SPATA6: variants seen among roughly 807,000 people sequenced by gnomAD.
SPATA6 encodes the protein spermatogenesis associated 6.
A neutral mutation model predicts 65.3 loss-of-function variants in SPATA6; 56 were observed. The ratio of observed to expected loss-of-function variants is 0.86; its 90% CI spans 0.69 to 1.07. SPATA6 has a LOEUF of 1.07. SPATA6 is among the 50% of genes least tolerant of loss of function. The probability of loss-of-function intolerance (pLI) is 0.00; values close to 1 mark genes in which losing one functional copy is unlikely to be tolerated. For synonymous variants in SPATA6, 199 were observed against 213.2 expected, an observed-to-expected ratio of 0.93 and a Z score of 0.58; for missense variants, 590 against 594.8, an observed-to-expected ratio of 0.99 and a Z score of 0.08.
chr1:48,437,448 G>C (rs1342019608), intron 3 of SPATA6, among the ~76,000 whole-genome samples: 1 of 152,190 alleles, frequency 6.6e-6, no homozygotes, highest in Non-Finnish European at 1.5e-5. Context: ...AATCTAGCTA[G>C]TGTCATTTAT....
intron 3 of SPATA6, among the ~76,000 whole-genome samples, chr1:48,433,134 G>A (rs1654561976): frequency 6.6e-6 from 1 of 152,092 alleles, no homozygotes; most frequent in Non-Finnish European, 1.5e-5. Flanking sequence ...CTGCAGGGAG[G>A]GGAAAATGGG....
At chr1:48,350,014 T>C (rs779832883) in intron 11 of SPATA6, among the ~76,000 whole-genome samples, 54 of 151,910 alleles carry the variant, frequency 3.6e-4, no homozygotes, top group Non-Finnish European at 5.3e-4. Flanking sequence ...GATAAGTATA[T>C]GTTTAATTTT....
chr1:48,270,762 C>T, the SPATA6 span, among the ~76,000 whole-genome samples: 2 of 149,720 alleles, frequency 1.3e-5, no homozygotes, highest in South Asian at 4.2e-4. Context: ...CACAAAAAAA[C>T]CTGTAAACTT....
At chr1:48,436,439 A>C (rs1259830308) in intron 3 of SPATA6, 4 of 1,607,494 alleles carry the variant, frequency 2.5e-6, no homozygotes, top group Non-Finnish European at 2.6e-6. Flanking sequence ...GGAATGAGTG[A>C]AACTTTAATA....
chr1:48,366,851 T>C (rs932871445), intron 9 of SPATA6, among the ~76,000 whole-genome samples: 3 of 152,216 alleles, frequency 2.0e-5, no homozygotes, highest in Middle Eastern at 3.2e-3. Flanking sequence ...TTGAATGTGT[T>C]TGCTCTTGCT....
chr1:48,442,717 TAAAAAAAAA>T (rs71056669), intron 3 of SPATA6, among the ~76,000 whole-genome samples: 123 of 46,218 alleles, frequency 2.7e-3, no homozygotes, highest in African/African-American at 0.011. Context: ...ATGGAAGTAG[TAAAAAAAAA>T]AAAAAAAAAA....
At chr1:48,442,689 A>T (rs957755898) in intron 3 of SPATA6, among the ~76,000 whole-genome samples, 1 of 144,648 alleles carries the variant, frequency 6.9e-6, no homozygotes, top group African/African-American at 2.5e-5. Context: ...GAGAAAGACA[A>T]GTCAAAGAGA....
chr1:48,340,849 A>T (rs1646196548), intron 11 of SPATA6, among the ~76,000 whole-genome samples: 1 of 152,158 alleles, frequency 6.6e-6, no homozygotes, highest in Non-Finnish European at 1.5e-5. Context: ...ATTCCAAAGA[A>T]AGTTGGTGTG....
intron 8 of SPATA6, among the ~76,000 whole-genome samples, chr1:48,386,731 A>G (rs1649511687): frequency 4.6e-5 from 7 of 152,208 alleles, no homozygotes; most frequent in Admixed American, 4.6e-4. Flanking sequence ...GAGCCCTGAA[A>G]CTAACACAAG....
chr1:48,453,204 C>A, intron 1 of SPATA6, 73 bp from the exon 2 acceptor site: 1 of 1,434,716 alleles, frequency 7.0e-7, no homozygotes, highest in South Asian at 1.4e-5. Flanking sequence ...AATAACTTAT[C>A]AAATATTACA....
chr1:48,327,005 G>A (rs575361553), intron 11 of SPATA6, among the ~76,000 whole-genome samples: 6 of 152,026 alleles, frequency 3.9e-5, no homozygotes, highest in Non-Finnish European at 7.4e-5. Flanking sequence ...AGACAAATAG[G>A]ACTTAAACTA....
At chr1:48,433,666 AATACCT>A (rs1353297122) in intron 3 of SPATA6, among the ~76,000 whole-genome samples, 4 of 152,150 alleles carry the variant, frequency 2.6e-5, no homozygotes, top group Non-Finnish European at 5.9e-5. Flanking sequence ...ATTTTTTCTG[AATACCT>A]ATTTACCTCC....
chr1:48,293,179 TG>T (rs1644779631), downstream of SPATA6, among the ~76,000 whole-genome samples: 1 of 152,032 alleles, frequency 6.6e-6, no homozygotes, highest in African/African-American at 2.4e-5. Flanking sequence ...GGGATTTGAG[TG>T]GGATAAAACC....
intron 1 of SPATA6, among the ~76,000 whole-genome samples, chr1:48,453,642 C>G (rs972146505): frequency 3.9e-5 from 6 of 152,144 alleles, no homozygotes; most frequent in Admixed American, 1.3e-4. Flanking sequence ...ATGAAAGTTT[C>G]TAGCCCAATA....
At chr1:48,368,464 TC>T (rs1647108649) in intron 9 of SPATA6, among the ~76,000 whole-genome samples, 1 of 152,224 alleles carries the variant, frequency 6.6e-6, no homozygotes, top group South Asian at 2.1e-4. Flanking sequence ...TTTCACATAG[TC>T]CCACATTTCT....
chr1:48,391,066 A>T (rs896932711), intron 8 of SPATA6, among the ~76,000 whole-genome samples: 2 of 152,128 alleles, frequency 1.3e-5, no homozygotes, highest in African/African-American at 4.8e-5. Flanking sequence ...TTGAAAAAAT[A>T]AAAAAGTGAG....
intron 9 of SPATA6, among the ~76,000 whole-genome samples, chr1:48,376,894 C>A (rs903536795): frequency 6.6e-6 from 1 of 152,082 alleles, no homozygotes; most frequent in African/African-American, 2.4e-5. Flanking sequence ...GTATATCAGA[C>A]CTAAACATAG....
chr1:48,344,196 T>A (rs1263612124), intron 11 of SPATA6: 1 of 152,150 alleles, frequency 6.6e-6, no homozygotes, highest in East Asian at 1.9e-4. Context: ...ACTAACCACA[T>A]AAAGCTATTT....
At chr1:48,277,622 G>C in the SPATA6 span, among the ~76,000 whole-genome samples, 13 of 152,236 alleles carry the variant, frequency 8.5e-5, no homozygotes, top group Non-Finnish European at 1.5e-4. Context: ...CAGCCAGGCT[G>C]GGGGAGGGGC....
Sources: allele counts gnomAD v4.1 joint callset (sites outside exome capture counted in the v4.1 genomes callset), GRCh38; gene constraint gnomAD v4.1.1; transcripts MANE v1.5; gene names NCBI Gene and HGNC (gene_info 2026-07-23, HGNC 2026-07-21).